Variants in TMEM14B observed in about 807,000 individuals in gnomAD.
TMEM14B encodes transmembrane protein 14B.
A neutral mutation model predicts 14.8 loss-of-function variants in TMEM14B; 9 were observed. That is an observed-to-expected ratio of 0.61 (90% CI 0.37 to 1.06). TMEM14B has a LOEUF of 1.06. Ranked by LOEUF, TMEM14B falls within the 50% of genes least tolerant of loss-of-function variation. The pLI, the probability that TMEM14B is intolerant of heterozygous loss-of-function variation, is 0.01. For missense variants in TMEM14B, 128 were observed against 143.6 expected (o/e 0.89, Z 0.56); for synonymous variants, 40 against 51.3 (o/e 0.78, Z 0.94).
intron 4 of TMEM14B, 41 bp downstream of exon 4, chr6:10,751,275 T>C (rs1771554155): frequency 1.2e-6 from 2 of 1,604,826 alleles, no homozygotes; most frequent in Admixed American, 1.7e-5. Flanking sequence ...ATCATGTATC[T>C]GGAATATTCT....
chr6:10,751,111 A>G (rs765967223), intron 3 of TMEM14B, 22 bp from the exon 4 acceptor site: 2 of 1,612,556 alleles, frequency 1.2e-6, no homozygotes, highest in Non-Finnish European at 1.7e-6. Context: ...TTACAATGCA[A>G]GCTGCGTTTG....
At chr6:10,748,327 C>T (rs978597039) in intron 1 of TMEM14B, among the ~76,000 whole-genome samples, 1 of 152,054 alleles carries the variant, frequency 6.6e-6, no homozygotes. Context: ...CTTATTGCAG[C>T]CTCTGCCTCC....
At chr6:10,758,909 C>CTTTTT (rs34333457), downstream of TMEM14B, 207 of 103,456 alleles carry the variant, frequency 2.0e-3, 5 homozygotes, top group Non-Finnish European at 3.4e-3. Context: ...AGATCTAATT[C>CTTTTT]TTTTTTTTTT....
chr6:10,749,517 G>C, intron 2 of TMEM14B, 105 bp from the exon 3 acceptor site: 1 of 1,348,414 alleles, frequency 7.4e-7, no homozygotes, highest in South Asian at 1.2e-5. Context: ...GGGCACATAG[G>C]ACCTGTGGGG....
intron 5 of TMEM14B, 104 bp from the exon 6 acceptor site, chr6:10,756,363 T>TC: frequency 7.4e-7 from 1 of 1,355,920 alleles, no homozygotes; most frequent in Admixed American, 2.2e-5. Flanking sequence ...TAGTACCTCC[T>TC]CCCCCACACA....
intron 3 of TMEM14B, 63 bp from the exon 4 acceptor site, chr6:10,751,070 T>G (rs1281545198): frequency 1.3e-6 from 2 of 1,599,678 alleles, no homozygotes; most frequent in Non-Finnish European, 1.7e-6. Context: ...GGAGGTCTGG[T>G]GGATTCCGTT....
rs201494277 is a variant in TMEM14B at position 10,751,270 on chromosome 6, G to T, written c.202+36G>T. 979 of 1,610,012 alleles carry T rather than the reference G, an allele frequency of 6.1e-4. 1 individual carries two copies. Among genetic ancestry groups the T allele is most frequent in the Admixed American group, 8.5e-4 (51 of 59,794 alleles). ...TTCAGCGTCTCCTTAGGGCAATCAT[G>T]TATCTGGAATATTCTTTTCCAAAAG... On this transcript the variant is annotated intron_variant, in intron 4 of 5. Coordinates refer to ENST00000379542, the MANE Select transcript of TMEM14B (RefSeq NM_030969.5).
intron 4 of TMEM14B, 61 bp from the exon 5 acceptor site, chr6:10,755,081 A>G: frequency 6.4e-7 from 1 of 1,568,422 alleles, no homozygotes. Context: ...GGCTTGGTCT[A>G]CTTCTGATTC....
At chr6:10,756,368 C>A in intron 5 of TMEM14B, 99 bp from the exon 6 acceptor site, 6 of 1,407,280 alleles carry the variant, frequency 4.3e-6, no homozygotes, top group Admixed American at 2.0e-5. Context: ...CCTCCTCCCC[C>A]ACACAGTTGT....
In TMEM14B at chr6:10,751,155, A is replaced by C; in HGVS notation, c.123A>C (p.Ala41=). Reference sequence around the variant, plus strand: ...TAGGCAGCGTGCCGTCCCTGGCTGCAGGGCTGCTCTTCGGCAGTCTAGCCG... The same window carrying C: ...TAGGCAGCGTGCCGTCCCTGGCTGCCGGGCTGCTCTTCGGCAGTCTAGCCG... ...VKTGSVPSLA[A]GLLFGSLAGL... The change falls in exon 4 of 6, where the codon GCA becomes GCC. Residue 41 remains alanine (A), a synonymous_variant. Coordinates refer to ENST00000379542, the MANE Select transcript of TMEM14B (RefSeq NM_030969.5). 1 of 1,613,930 alleles carries C rather than the reference A, an allele frequency of 6.2e-7. No homozygotes were observed. Among genetic ancestry groups the C allele is most frequent in the South Asian group, 1.1e-5 (1 of 91,082 alleles).
At chr6:10,748,353 C>T (rs1400800044) in intron 1 of TMEM14B, among the ~76,000 whole-genome samples, 1 of 152,104 alleles carries the variant, frequency 6.6e-6, no homozygotes, top group Non-Finnish European at 1.5e-5. Flanking sequence ...TCAAGCCATC[C>T]TCCCACCTCA....
At chr6:10,749,151 TGCTGGGGA>T in intron 1 of TMEM14B, 43 bp from the exon 2 acceptor site, 1 of 1,289,190 alleles carries the variant, frequency 7.8e-7, no homozygotes, top group Non-Finnish European at 1.1e-6. Flanking sequence ...TCTTTCTGAC[TGCTGGGGA>T]GCTGTGCTTT....
At chr6:10,755,299 A>G (rs375859748) in intron 5 of TMEM14B, 67 bp downstream of exon 5, 3 of 1,609,378 alleles carry the variant, frequency 1.9e-6, no homozygotes, top group Non-Finnish European at 2.5e-6. Flanking sequence ...TACTTTATGC[A>G]TTCAAAACCT....
chr6:10,751,160 T>G lies in TMEM14B; in HGVS notation c.128T>G (p.Leu43Arg), dbSNP rs1230507151. Residue 43 changes from leucine (L) to arginine (R), a missense_variant, in exon 4 of 6, where the codon CTG becomes CGG. By Grantham distance (102) the Leu-to-Arg change is moderately radical. Transcript: ENST00000379542. ...TGSVPSLAAGLLFGSLAGLGA... is the reference protein window; with the variant it reads ...TGSVPSLAAGRLFGSLAGLGA... The stretch of plus-strand genomic sequence containing the variant: ...AGCGTGCCGTCCCTGGCTGCAGGGC[T>G]GCTCTTCGGCAGTCTAGCCGGCCTG... 6.2e-7 allele frequency: 1 copy of G among 1,613,986 alleles called. No individual in the cohort carries two copies. The highest frequency in any genetic ancestry group is 1.7e-5 in the Admixed American group (1 of 60,006).
At chr6:10,754,217 C>G (rs1224378176) in intron 4 of TMEM14B, among the ~76,000 whole-genome samples, 1 of 152,174 alleles carries the variant, frequency 6.6e-6, no homozygotes, top group Non-Finnish European at 1.5e-5. Flanking sequence ...GAGACTCTGT[C>G]TCAAAAAATA....
At chr6:10,752,181 C>T (rs745386265) in intron 4 of TMEM14B, among the ~76,000 whole-genome samples, 3 of 152,080 alleles carry the variant, frequency 2.0e-5, no homozygotes, top group Admixed American at 6.5e-5. Flanking sequence ...GATCCTACTC[C>T]ACTCAGCAAA....
At chr6:10,750,674 T>C (rs1771515998) in intron 3 of TMEM14B, among the ~76,000 whole-genome samples, 1 of 151,976 alleles carries the variant, frequency 6.6e-6, no homozygotes, top group Admixed American at 6.6e-5. Context: ...GGGAGTCAGC[T>C]TGCACAAGTT....
downstream of TMEM14B, among the ~76,000 whole-genome samples, chr6:10,758,243 G>A (rs1771871459): frequency 6.6e-6 from 1 of 152,048 alleles, no homozygotes; most frequent in Non-Finnish European, 1.5e-5. Context: ...CTCAACGTTG[G>A]CCATTTTTTC....
downstream of TMEM14B, chr6:10,759,117 A>G: frequency 6.1e-6 from 1 of 163,536 alleles, no homozygotes; most frequent in South Asian, 1.3e-4. Flanking sequence ...ATGGGGTTTC[A>G]CCATGTTGGC....
Sources: allele counts gnomAD v4.1 joint callset (sites outside exome capture counted in the v4.1 genomes callset), GRCh38; gene constraint gnomAD v4.1.1; transcripts MANE v1.5; gene names NCBI Gene and HGNC (gene_info 2026-07-23, HGNC 2026-07-21).